The following PRKN variants were observed in gnomAD, a reference collection of about 807,000 sequenced individuals.
The protein encoded by PRKN is parkin RBR E3 ubiquitin protein ligase.
A neutral mutation model predicts 59.5 loss-of-function variants in PRKN; 56 were observed. The ratio of observed to expected loss-of-function variants is 0.94; its 90% CI spans 0.76 to 1.18. The LOEUF is 1.18. Among genes scored for constraint, PRKN ranks in the 50% most tolerant of loss-of-function variants. PRKN has a pLI of 0.00. For missense variants in PRKN, 657 were observed against 596.4 expected, an observed-to-expected ratio of 1.10 and a Z score of -1.06; for synonymous variants, 250 against 222.1, an observed-to-expected ratio of 1.13 and a Z score of -1.12.
At chr6:162,565,971 A>G (rs752121785) in intron 1 of PRKN, among the ~76,000 whole-genome samples, 65 of 152,190 alleles carry the variant, frequency 4.3e-4, no homozygotes, top group Non-Finnish European at 1.3e-4. Flanking sequence ...GACAAAAACT[A>G]TAAGAAGATA....
intron 7 of PRKN, among the ~76,000 whole-genome samples, chr6:161,737,520 C>A (rs1169272610): frequency 6.6e-6 from 1 of 152,218 alleles, no homozygotes; most frequent in Non-Finnish European, 1.5e-5. Context: ...AATATGATCA[C>A]ATTTTTGAGC....
At chr6:162,192,537 T>C (rs1190089440) in intron 4 of PRKN, among the ~76,000 whole-genome samples, 2 of 148,464 alleles carry the variant, frequency 1.3e-5, no homozygotes, top group African/African-American at 5.0e-5. Flanking sequence ...ACTGCACCCT[T>C]GACTTTCCAG....
At chr6:162,723,560 G>C (rs1019837666) in intron 1 of PRKN, among the ~76,000 whole-genome samples, 1 of 152,182 alleles carries the variant, frequency 6.6e-6, no homozygotes, top group African/African-American at 2.4e-5. Context: ...TTTCAGCCCA[G>C]AGGGGCAGGG....
At chr6:161,430,836 A>T (rs1178207464) in intron 9 of PRKN, among the ~76,000 whole-genome samples, 1 of 144,772 alleles carries the variant, frequency 6.9e-6, no homozygotes, top group Non-Finnish European at 1.5e-5. Flanking sequence ...AAAAAAAAAA[A>T]AAGAAATACT....
At chr6:161,450,124 T>C (rs1038238465) in intron 9 of PRKN, among the ~76,000 whole-genome samples, 1 of 152,206 alleles carries the variant, frequency 6.6e-6, no homozygotes, top group South Asian at 2.1e-4. Flanking sequence ...GAAGGCCTCT[T>C]GGTGTTCCTT....
At chr6:162,087,195 C>G (rs1178479354) in intron 4 of PRKN, among the ~76,000 whole-genome samples, 3 of 152,082 alleles carry the variant, frequency 2.0e-5, no homozygotes, top group Admixed American at 6.6e-5. Context: ...CACCACTTAC[C>G]TTTTTCACCT....
chr6:162,640,298 T>C (rs184330300), intron 1 of PRKN, among the ~76,000 whole-genome samples: 38 of 152,264 alleles, frequency 2.5e-4, no homozygotes, highest in African/African-American at 7.5e-4. Flanking sequence ...GCTTGCACAA[T>C]TGATGTTTCC....
chr6:162,609,272 T>G (rs2128218499), intron 1 of PRKN, among the ~76,000 whole-genome samples: 1 of 152,312 alleles, frequency 6.6e-6, no homozygotes, highest in Non-Finnish European at 1.5e-5. Flanking sequence ...TTTCTGATAT[T>G]CCATCTCTTC....
At chr6:161,606,979 T>G (rs1191552038) in intron 7 of PRKN, among the ~76,000 whole-genome samples, 1 of 152,190 alleles carries the variant, frequency 6.6e-6, no homozygotes, top group Non-Finnish European at 1.5e-5. Context: ...GGGGCTTTAT[T>G]GAAATCAGGG....
At chr6:161,742,472 C>T (rs2128191570) in intron 7 of PRKN, among the ~76,000 whole-genome samples, 1 of 152,276 alleles carries the variant, frequency 6.6e-6, no homozygotes, top group East Asian at 1.9e-4. Flanking sequence ...CAGACTAATA[C>T]ACTGGAATAT....
At chr6:162,044,612 G>A (rs1198467868) in intron 5 of PRKN, among the ~76,000 whole-genome samples, 1 of 152,200 alleles carries the variant, frequency 6.6e-6, no homozygotes, top group African/African-American at 2.4e-5. Context: ...AGGGAATGTT[G>A]ATTTTATACA....
chr6:162,415,197 C>T (rs117260774), intron 2 of PRKN, among the ~76,000 whole-genome samples: 9,397 of 152,132 alleles, frequency 0.062, 328 homozygotes, highest in South Asian at 0.12. Context: ...GTTGTGCCTA[C>T]GCAAAAATAG....
intron 4 of PRKN, among the ~76,000 whole-genome samples, chr6:162,069,317 T>C (rs1273963441): frequency 6.6e-6 from 1 of 152,170 alleles, no homozygotes; most frequent in Non-Finnish European, 1.5e-5. Flanking sequence ...GCCTTTCACC[T>C]CACGCCATGA....
intron 3 of PRKN, among the ~76,000 whole-genome samples, chr6:162,237,598 C>T (rs912967821): frequency 3.3e-5 from 5 of 152,056 alleles, no homozygotes; most frequent in African/African-American, 1.2e-4. Context: ...TTCTGCCTTA[C>T]CTGTCAATCA....
At chr6:162,711,639 T>C (rs1005338926) in intron 1 of PRKN, among the ~76,000 whole-genome samples, 7 of 152,158 alleles carry the variant, frequency 4.6e-5, no homozygotes, top group Non-Finnish European at 1.0e-4. Context: ...GCAATCTAGA[T>C]TGCAGCAACT....
chr6:162,660,288 T>C (rs554430591), intron 1 of PRKN, among the ~76,000 whole-genome samples: 1 of 152,300 alleles, frequency 6.6e-6, no homozygotes, highest in South Asian at 2.1e-4. Context: ...CAATCACAAT[T>C]AGCTGGTTCT....
At chr6:162,251,933 A>G (rs1779452179) in intron 3 of PRKN, among the ~76,000 whole-genome samples, 1 of 152,222 alleles carries the variant, frequency 6.6e-6, no homozygotes, top group East Asian at 1.9e-4. Context: ...AGTGTTGAAC[A>G]TCCTTCTAGA....
intron 2 of PRKN, among the ~76,000 whole-genome samples, chr6:162,351,104 C>CACAA (rs1356934100): frequency 6.6e-6 from 1 of 152,092 alleles, no homozygotes; most frequent in Non-Finnish European, 1.5e-5. Context: ...ATGGGAGGAT[C>CACAA]ACTTGAGCCT....
intron 5 of PRKN, among the ~76,000 whole-genome samples, chr6:162,046,914 A>AC (rs1784272537): frequency 6.6e-6 from 1 of 151,580 alleles, no homozygotes; most frequent in Non-Finnish European, 1.5e-5. Context: ...TAAAAAAAAA[A>AC]ACAAGAAATT....
Sources: allele counts gnomAD v4.1 joint callset (sites outside exome capture counted in the v4.1 genomes callset), GRCh38; gene constraint gnomAD v4.1.1; transcripts MANE v1.5; gene names NCBI Gene and HGNC (gene_info 2026-07-23, HGNC 2026-07-21).